PCDH1: variants seen among roughly 807,000 people sequenced by gnomAD.
The protein encoded by PCDH1 is protocadherin-1.
Under a neutral mutation model 74.6 loss-of-function variants are expected in PCDH1, and 23 were observed. The observed-to-expected ratio is 0.31, with a 90% confidence interval of 0.22 to 0.44. PCDH1 has a LOEUF of 0.44. Ranked by LOEUF, PCDH1 falls within the 20% of genes least tolerant of loss-of-function variation. The probability of loss-of-function intolerance (pLI) is 1.00; values close to 1 mark genes in which losing one functional copy is unlikely to be tolerated. For missense variants in PCDH1, 1,214 were observed against 1,641.4 expected, an observed-to-expected ratio of 0.74 and a Z score of 4.50; for synonymous variants, 647 against 686.1, an observed-to-expected ratio of 0.94 and a Z score of 0.89.
Position 141,864,005 on chromosome 5 carries a change from G to T in PCDH1, c.2326C>A (p.Leu776Met). ...TGGCGCCGCTCAATCTCCTTCTCCA[G>T]GGTGATGGCACCTGAATGTGACCCA... ...QIGSHSGAIT[L>M]EKEIERRHHG... The change falls in exon 3 of 5, where the codon CTG (leucine) becomes ATG (methionine). Residue 776 changes from leucine (L) to methionine (M), a missense_variant. Leu to Met is a conservative substitution (Grantham distance 15, BLOSUM62 2). Coordinates refer to ENST00000287008, the MANE Select transcript of PCDH1 (RefSeq NM_032420.5). The surrounding 1 kb of genome is among the most constrained non-coding windows in gnomAD (Gnocchi z 5.9). 6.2e-7 allele frequency: 1 copy of T among 1,614,086 alleles called. No homozygotes were observed. Among genetic ancestry groups the T allele is most frequent in the South Asian group, 1.1e-5 (1 of 91,086 alleles).
At chr5:141,861,493 A>G (rs1244461545) in intron 3 of PCDH1, among the ~76,000 whole-genome samples, 1 of 152,138 alleles carries the variant, frequency 6.6e-6, no homozygotes, top group Non-Finnish European at 1.5e-5. Flanking sequence ...GGAATAGGAG[A>G]AAGACGGAAG....
At chr5:141,875,362 C>T (rs1179285505) in intron 1 of PCDH1, among the ~76,000 whole-genome samples, 3 of 152,152 alleles carry the variant, frequency 2.0e-5, no homozygotes, top group Non-Finnish European at 4.4e-5. Context: ...ATCCTCACCA[C>T]CCACCATGGA....
chr5:141,856,471 G>A (rs755732208), intron 4 of PCDH1, among the ~76,000 whole-genome samples: 3 of 152,070 alleles, frequency 2.0e-5, no homozygotes, highest in East Asian at 1.9e-4. Context: ...GGTGGGACCC[G>A]AGGACAACTC....
intron 1 of PCDH1, among the ~76,000 whole-genome samples, chr5:141,871,953 T>C (rs1753104179): frequency 1.3e-5 from 2 of 152,188 alleles, no homozygotes; most frequent in African/African-American, 2.4e-5. Context: ...TCTCAGCAAA[T>C]GTTCACTGAA....
At position 141,864,749 on chromosome 5, in the gene PCDH1, T is replaced by C. The variant is rs1412129736; in HGVS notation, c.1582A>G (p.Ile528Val). 1 of 1,614,108 alleles carries C rather than the reference T, an allele frequency of 6.2e-7. No homozygotes were observed. The highest frequency in any genetic ancestry group is 8.5e-7 in the Non-Finnish European group (1 of 1,180,018). Residue 528 changes from isoleucine (I) to valine (V), a missense_variant, in exon 3 of 5, where the codon ATC (isoleucine) becomes GTC (valine). This residue lies in a region of PCDH1 where 836 missense variants were observed against 1,182.2 expected (regional missense o/e 0.71). Coordinates refer to ENST00000287008, the MANE Select transcript of PCDH1 (RefSeq NM_032420.5). The surrounding 1 kb of genome is among the most constrained non-coding windows in gnomAD (Gnocchi z 5.9). ...CCAGAGTCAGCATCACTGGCAGTGATCTCAGCAATCACTTCACCAGGCTTG... is the reference window on the plus strand; with the variant it reads ...CCAGAGTCAGCATCACTGGCAGTGACCTCAGCAATCACTTCACCAGGCTTG... ...NNKPGEVIAE[I>V]TASDADSGSN...
At chr5:141,866,222 CACCGG>C (rs1752825961) in intron 2 of PCDH1, 12 of 985,404 alleles carry the variant, frequency 1.2e-5, no homozygotes, top group Non-Finnish European at 1.4e-5. Context: ...TCCCGACTGG[CACCGG>C]CTGGCGAGGC....
At chr5:141,872,197 A>G (rs949656843) in intron 1 of PCDH1, among the ~76,000 whole-genome samples, 5 of 141,252 alleles carry the variant, frequency 3.5e-5, no homozygotes, top group South Asian at 2.2e-4. Context: ...ACCCAAACAC[A>G]TCGTCAAAGG....
rs936665802 is a variant in PCDH1, at chr5:141,862,787, C to T, written c.3099+445G>A. On this transcript the variant is annotated intron_variant, in intron 3 of 4. Transcript: ENST00000287008. Reference sequence around the variant, plus strand: ...GAAGGTGCCCTCCCCTGGCAGACTCCCCACTCAGTTATCCACAGGACCCCA... The same window carrying T: ...GAAGGTGCCCTCCCCTGGCAGACTCTCCACTCAGTTATCCACAGGACCCCA... 17 of 1,036,160 alleles carry T rather than the reference C, an allele frequency of 1.6e-5. No individual in the cohort carries two copies. The African/African-American group carries it at 2.7e-4, about 16-fold the overall frequency. The allele number at this position is 1,036,160 out of a possible 1,614,324, so 64.2% of individuals were successfully genotyped here. A position where few individuals can be genotyped will look rare whatever the true frequency, so the allele number is the denominator to read the frequency against.
In PCDH1 at chr5:141,873,756, C is replaced by T. The variant is rs538391707; in HGVS notation, c.41-4325G>A. Among the ~76,000 whole-genome samples the T allele has an allele frequency of 3.3e-5, 5 of 152,268 alleles. No homozygotes were observed. The South Asian group carries it at 8.3e-4, about 25-fold the overall frequency. ...TACAGGCGTGAGCCACTGCGCCCAG[C>T]CCCTGCAAACTTTTATCATCACCTT... is the stretch of plus-strand genomic sequence containing the variant. On this transcript the variant is annotated intron_variant, in intron 1 of 4. Transcript: ENST00000287008.
In PCDH1 at chr5:141,865,001, G is replaced by C. The variant is rs759392558; in HGVS notation, c.1330C>G (p.Gln444Glu). ...VAGDVPFQLR[Q>E]ASETGSDSKK... ...CTGTCACTGCCTGTCTCACTGGCCTGGCGCAGCTGGAAGGGCACATCACCT... is the reference window on the plus strand; with the variant it reads ...CTGTCACTGCCTGTCTCACTGGCCTCGCGCAGCTGGAAGGGCACATCACCT... The change falls in exon 3 of 5, where the codon CAG (glutamine) becomes GAG (glutamate). Residue 444 changes from glutamine to glutamate, a missense_variant. By Grantham distance (29) the Gln-to-Glu change is conservative (BLOSUM62 2). Coordinates refer to ENST00000287008, the MANE Select transcript of PCDH1 (RefSeq NM_032420.5). The surrounding 1 kb of genome is among the most constrained non-coding windows in gnomAD (Gnocchi z 4.4). 5.6e-6 allele frequency: 9 copies of C among 1,613,990 alleles called. No homozygotes were observed. The highest frequency in any genetic ancestry group is 1.7e-5 in the Admixed American group (1 of 60,002).
intron 1 of PCDH1, among the ~76,000 whole-genome samples, chr5:141,874,227 G>C (rs1315379680): frequency 6.6e-6 from 1 of 152,226 alleles, no homozygotes; most frequent in Non-Finnish European, 1.5e-5. Context: ...TAGAAATGCA[G>C]GAAGAGAGCC....
At chr5:141,875,775 G>A (rs542915214) in intron 1 of PCDH1, among the ~76,000 whole-genome samples, 1 of 152,212 alleles carries the variant, frequency 6.6e-6, no homozygotes, top group South Asian at 2.1e-4. Context: ...TACCTCTGGG[G>A]GCCAGTCTGC....
In PCDH1 at chr5:141,864,307, C is replaced by T. The variant is rs765235910; in HGVS notation, c.2024G>A (p.Arg675Gln). ...GAAGGTGTAGGTGCTTTGTTGCTCT[C>T]GATCAAAGCTCAGGCTGGATAGGAT... is the stretch of plus-strand genomic sequence containing the variant. Reference protein sequence around the residue: ...GTILSSLSFDREQQSTYTFQL... With the variant: ...GTILSSLSFDQEQQSTYTFQL... Residue 675 changes from arginine to glutamine, a missense_variant, in exon 3 of 5, where the codon CGA (arginine) becomes CAA (glutamine). By Grantham distance (43) the Arg-to-Gln change is conservative. This residue lies in a region of PCDH1 where 836 missense variants were observed against 1,182.2 expected (regional missense o/e 0.71). Transcript: ENST00000287008. The surrounding 1 kb of genome is among the most constrained non-coding windows in gnomAD (Gnocchi z 5.9). 1.2e-6 allele frequency: 2 copies of T among 1,614,070 alleles called. No homozygotes were observed. The highest frequency in any genetic ancestry group is 1.1e-5 in the South Asian group (1 of 91,086).
In PCDH1 at chr5:141,857,604, A is replaced by G. The variant is rs1596545680; in HGVS notation, c.3100-133T>C. On this transcript the variant is annotated intron_variant, in intron 3 of 4. Coordinates refer to ENST00000287008, the MANE Select transcript of PCDH1 (RefSeq NM_032420.5). ...GCAACCAAGAAGAGACCCAGGCCCC[A>G]GCACAGCACATTCCTCCCGAAAGCA... 9.0e-6 allele frequency: 6 copies of G among 664,702 alleles called. No individual in the cohort carries two copies. The East Asian group carries it at 1.1e-4, about 12-fold the overall frequency. The allele number at this position is 664,702 out of a possible 1,614,324, so 41.2% of individuals were successfully genotyped here. A position where few individuals can be genotyped will look rare whatever the true frequency, so the allele number is the denominator to read the frequency against.
At chr5:141,872,624 C>T (rs1197699723) in intron 1 of PCDH1, among the ~76,000 whole-genome samples, 1 of 152,194 alleles carries the variant, frequency 6.6e-6, no homozygotes, top group Non-Finnish European at 1.5e-5. Flanking sequence ...CTCCATCTCA[C>T]AGTCACAACC....
At chr5:141,856,270 G>A in intron 4 of PCDH1, 1 of 1,535,576 alleles carries the variant, frequency 6.5e-7, no homozygotes, top group Non-Finnish European at 8.7e-7. Flanking sequence ...GCTCTGCGCG[G>A]GCACAAAAAG....
In PCDH1 at chr5:141,869,347, A is replaced by T. The variant is rs1489555713; in HGVS notation, c.125T>A (p.Met42Lys). The T allele has an allele frequency of 6.3e-7, 1 of 1,598,242 alleles. No homozygotes were observed. The highest frequency in any genetic ancestry group is 8.5e-7 in the Non-Finnish European group (1 of 1,174,290). Residue 42 changes from methionine (M) to lysine (K), a missense_variant, in exon 2 of 5, where the codon ATG (methionine) becomes AAG (lysine). Physicochemically the swap from Met to Lys is moderately conservative, Grantham distance 95. Around this residue, in one of 4 missense-constraint regions of PCDH1, gnomAD observed 87 missense variants for 87.7 expected, o/e 0.99. Transcript: ENST00000287008. The surrounding 1 kb of genome is among the most constrained non-coding windows in gnomAD (Gnocchi z 4.9). ...PGGQRLLLPS[M>K]LLALLLLLAP... ...CAGCAGGAGCAGCAGTGCTAGCAGC[A>T]TGGAGGGCAGCAGTAGCCGTTGCCC...
intron 1 of PCDH1, among the ~76,000 whole-genome samples, chr5:141,875,250 G>A (rs907384426): frequency 2.6e-5 from 4 of 151,914 alleles, no homozygotes; most frequent in Non-Finnish European, 5.9e-5. Context: ...TCCAGCATCG[G>A]GCACACAGTG....
chr5:141,876,699 G>A (rs1753245586), intron 1 of PCDH1, among the ~76,000 whole-genome samples: 1 of 152,116 alleles, frequency 6.6e-6, no homozygotes, highest in African/African-American at 2.4e-5. Context: ...TGGCTCCAGG[G>A]CCTGCCCGCG....
Sources: allele counts gnomAD v4.1 joint callset (sites outside exome capture counted in the v4.1 genomes callset), GRCh38; gene constraint gnomAD v4.1.1; regional missense constraint gnomAD v4.1.1; non-coding constraint Gnocchi (gnomAD v3.1); transcripts MANE v1.5; gene names NCBI Gene and HGNC (gene_info 2026-07-23, HGNC 2026-07-21).